Variants in ITGBL1 observed in about 807,000 individuals in gnomAD.
The protein encoded by ITGBL1 is integrin subunit beta like 1, also known as integrin beta-like protein 1.
ITGBL1 carries 51 observed loss-of-function variants against 68.5 expected under a neutral mutation model. The ratio of observed to expected loss-of-function variants is 0.74; its 90% CI spans 0.59 to 0.94. The LOEUF (loss-of-function observed/expected upper bound fraction) is 0.94, where lower values mean the gene tolerates loss of function less well. Among genes scored for constraint, ITGBL1 ranks in the 40% least tolerant of loss-of-function variants. ITGBL1 has a pLI of 0.00. For missense variants in ITGBL1, 649 were observed against 647.4 expected (o/e 1.00, Z -0.03); for synonymous variants, 209 against 227.3 (o/e 0.92, Z 0.72).
chr13:101,508,364 A>G (rs2049059349), intron 2 of ITGBL1, among the ~76,000 whole-genome samples: 2 of 152,176 alleles, frequency 1.3e-5, no homozygotes, highest in East Asian at 3.9e-4. Context: ...CTTTACATAA[A>G]AATATTTGTC....
intron 7 of ITGBL1, among the ~76,000 whole-genome samples, chr13:101,680,295 C>A (rs2033611407): frequency 6.6e-6 from 1 of 152,038 alleles, no homozygotes; most frequent in African/African-American, 2.4e-5. Context: ...TATGGCAAAC[C>A]TATTATTTTA....
chr13:101,536,475 G>C (rs950002292), intron 2 of ITGBL1, among the ~76,000 whole-genome samples: 17 of 152,004 alleles, frequency 1.1e-4, no homozygotes, highest in African/African-American at 4.1e-4. Context: ...GCAAAATTGA[G>C]AGCAATTGTT....
At chr13:101,462,586 A>G (rs1228441538) in intron 2 of ITGBL1, among the ~76,000 whole-genome samples, 4 of 151,734 alleles carry the variant, frequency 2.6e-5, no homozygotes, top group African/African-American at 9.7e-5. Flanking sequence ...TCTTTTCCAT[A>G]TCATTATTTT....
intron 2 of ITGBL1, among the ~76,000 whole-genome samples, chr13:101,543,093 T>C (rs2049742196): frequency 6.6e-6 from 1 of 152,234 alleles, no homozygotes; most frequent in Non-Finnish European, 1.5e-5. Flanking sequence ...AATTTGATCC[T>C]GTCATTATGA....
chr13:101,455,620 T>C (rs2048233089), intron 2 of ITGBL1, among the ~76,000 whole-genome samples: 1 of 152,212 alleles, frequency 6.6e-6, no homozygotes, highest in Non-Finnish European at 1.5e-5. Flanking sequence ...GCCAAGATCA[T>C]GCCACTGCAC....
intron 2 of ITGBL1, among the ~76,000 whole-genome samples, chr13:101,456,706 G>C (rs576241828): frequency 1.3e-5 from 2 of 152,238 alleles, no homozygotes; most frequent in Admixed American, 1.3e-4. Context: ...CCTGAGGTCA[G>C]GATTCAAGAC....
chr13:101,538,261 G>A (rs897043076), intron 2 of ITGBL1, among the ~76,000 whole-genome samples: 4 of 151,918 alleles, frequency 2.6e-5, no homozygotes, highest in Admixed American at 2.0e-4. Context: ...TAGTTCTAAA[G>A]AAGATGAATT....
At chr13:101,589,419 G>A (rs754464888) in intron 6 of ITGBL1, among the ~76,000 whole-genome samples, 44 of 152,184 alleles carry the variant, frequency 2.9e-4, no homozygotes, top group Non-Finnish European at 5.4e-4. Context: ...CCATACATTC[G>A]CTGACTTTCA....
intron 7 of ITGBL1, among the ~76,000 whole-genome samples, chr13:101,655,132 T>C (rs2032877143): frequency 6.6e-6 from 1 of 152,210 alleles, no homozygotes; most frequent in Non-Finnish European, 1.5e-5. Context: ...CAAGGAATGA[T>C]GCACTTGCTT....
rs1362428914 is a variant in ITGBL1, at chr13:101,453,990, G to A, written c.206G>A (p.Cys69Tyr). The change falls in exon 2 of 11, where the codon TGC (cysteine) becomes TAC (tyrosine). Residue 69 changes from cysteine to tyrosine, a missense_variant. Cys to Tyr is a radical substitution (Grantham distance 194). Coordinates refer to ENST00000376180, the MANE Select transcript of ITGBL1 (RefSeq NM_004791.3). ...GCGCTGTGCCACGGCCGGGGCCGCT[G>A]CGACTGCGGCGTCTGCATCTGCCAC... ...GAALCHGRGR[C>Y]DCGVCICHVT... The A allele has an allele frequency of 9.7e-6, 15 of 1,553,408 alleles. No homozygotes were observed. Among genetic ancestry groups the A allele is most frequent in the Non-Finnish European group, 1.2e-5 (14 of 1,149,154 alleles).
At chr13:101,666,753 A>G (rs555418651) in intron 7 of ITGBL1, among the ~76,000 whole-genome samples, 11 of 152,342 alleles carry the variant, frequency 7.2e-5, no homozygotes, top group African/African-American at 2.6e-4. Flanking sequence ...GAAAGTCACT[A>G]GAGCAGTCAC....
At chr13:101,455,883 A>C (rs1407949114) in intron 2 of ITGBL1, among the ~76,000 whole-genome samples, 1 of 152,148 alleles carries the variant, frequency 6.6e-6, no homozygotes, top group Middle Eastern at 3.2e-3. Flanking sequence ...CAAATTTTCC[A>C]GGGCTTTTTC....
chr13:101,500,293 A>G (rs544416947), intron 2 of ITGBL1, among the ~76,000 whole-genome samples: 3 of 152,328 alleles, frequency 2.0e-5, no homozygotes, highest in Admixed American at 1.3e-4. Context: ...TCCCATTTAT[A>G]ACAGAGTTTA....
intron 7 of ITGBL1, among the ~76,000 whole-genome samples, chr13:101,640,786 C>T (rs1034287877): frequency 6.6e-6 from 1 of 152,094 alleles, no homozygotes; most frequent in African/African-American, 2.4e-5. Context: ...CCCTCTCTCC[C>T]TTTCTAGTAG....
At chr13:101,520,657 G>A (rs994447953) in intron 2 of ITGBL1, among the ~76,000 whole-genome samples, 3 of 152,176 alleles carry the variant, frequency 2.0e-5, no homozygotes, top group African/African-American at 7.2e-5. Flanking sequence ...ATGCTGGAAG[G>A]ATGTGGGACC....
chr13:101,635,574 A>G (rs2032145426), intron 7 of ITGBL1, among the ~76,000 whole-genome samples: 1 of 152,080 alleles, frequency 6.6e-6, no homozygotes, highest in South Asian at 2.1e-4. Flanking sequence ...AAATGTGGCC[A>G]TATTTCAATG....
chr13:101,653,856 TTTTTTTG>T lies in ITGBL1; in HGVS notation c.1016-38715_1016-38709del, dbSNP rs1414566549. 2.2e-3 allele frequency among the ~76,000 whole-genome samples: 216 copies of T among 97,002 alleles called. 4 individuals are homozygous for T. The highest frequency in any genetic ancestry group is 6.6e-3 in the African/African-American group (201 of 30,332). 63.6% of individuals were successfully genotyped at this position (97,002 alleles called of 152,430 possible). On this transcript the variant is annotated intron_variant, in intron 7 of 10. Coordinates refer to ENST00000376180, the MANE Select transcript of ITGBL1 (RefSeq NM_004791.3). ...GGTGCGCACCACCATGCCCAGCTAC[TTTTTTTG>T]TTTTTTGTTTTTTTTTTTTTGTATT...
At chr13:101,570,313 T>TTTTTG (rs1566736386) in intron 3 of ITGBL1, among the ~76,000 whole-genome samples, 1 of 152,136 alleles carries the variant, frequency 6.6e-6, no homozygotes, top group African/African-American at 2.4e-5. Context: ...TTGTTTTTGT[T>TTTTTG]TTTTGTTTTG....
At chr13:101,617,567 T>G (rs2031416023) in intron 7 of ITGBL1, among the ~76,000 whole-genome samples, 1 of 152,208 alleles carries the variant, frequency 6.6e-6, no homozygotes, top group South Asian at 2.1e-4. Context: ...ATTTCTATGC[T>G]AATCAAGTTT....
Sources: gnomAD v4.1 joint callset for allele counts (sites outside exome capture counted in the v4.1 genomes callset) on GRCh38, gnomAD v4.1.1 for gene constraint, MANE v1.5 for transcripts, NCBI Gene and HGNC (gene_info 2026-07-23, HGNC 2026-07-21) for gene names.